PLCE1: variants seen among roughly 807,000 people sequenced by gnomAD.
The protein encoded by PLCE1 is 1-phosphatidylinositol 4,5-bisphosphate phosphodiesterase epsilon-1.
In PLCE1, 119 loss-of-function variants were observed where a neutral mutation model predicts 242.8. That is an observed-to-expected ratio of 0.49 (90% CI 0.42 to 0.57). PLCE1 has a LOEUF of 0.57. Among genes scored for constraint, PLCE1 ranks in the 20% least tolerant of loss-of-function variants. PLCE1 has a pLI of 0.00. For synonymous variants in PLCE1, 945 were observed against 1,017.4 expected, an observed-to-expected ratio of 0.93 and a Z score of 1.35; for missense variants, 2,441 against 2,788.8, an observed-to-expected ratio of 0.88 and a Z score of 2.81.
intron 3 of PLCE1, among the ~76,000 whole-genome samples, chr10:94,165,214 C>T (rs1309741168): frequency 1.3e-5 from 2 of 152,068 alleles, no homozygotes; most frequent in African/African-American, 4.8e-5. Context: ...CTTTTGTTTG[C>T]CCTGCCCCCA....
Position 94,227,245 on chromosome 10 carries a change from A to G in PLCE1, c.1810-61A>G, listed in dbSNP as rs185324623. The G allele has an allele frequency of 3.5e-5, 52 of 1,474,956 alleles. No individual in the cohort carries two copies. The African/African-American group carries it at 4.6e-4, about 13-fold the overall frequency. The allele number at this position is 1,474,956 out of a possible 1,614,324, so 91.4% of individuals were successfully genotyped here. A position where few individuals can be genotyped will look rare whatever the true frequency, so the allele number is the denominator to read the frequency against. On this transcript the variant is annotated intron_variant, in intron 4 of 32. Transcript: ENST00000371380. ...TTAGAAAAACAAAGAATGCTTTTGG[A>G]AAAAAAAATTGCCAAGCTTCTAGGA...
rs34787476 is a variant in PLCE1 at position 94,321,629 on chromosome 10, G to GAA, written c.6343-256_6343-255dup. On this transcript the variant is annotated intron_variant, in intron 29 of 32. Transcript: ENST00000371380. ...GGCAACAGAGCAAGACTCCATCTCA[G>GAA]AAAAAAAAAAAAAAAAACCCACAGC... Among the ~76,000 whole-genome samples the GAA allele has an allele frequency of 3.5e-3, 367 of 104,616 alleles. 1 individual carries two copies. Among genetic ancestry groups the GAA allele is most frequent in the African/African-American group, 0.01 (280 of 27,554 alleles). 68.6% of individuals were successfully genotyped at this position (104,616 alleles called of 152,430 possible).
intron 26 of PLCE1, among the ~76,000 whole-genome samples, chr10:94,307,308 C>T (rs2133651380): frequency 6.6e-6 from 1 of 152,260 alleles, no homozygotes; most frequent in East Asian, 1.9e-4. Context: ...GACAGTTTCC[C>T]TTTCTAACAT....
At position 94,331,499 on chromosome 10, in the gene PLCE1, G is replaced by C. The variant is rs2133972614; in HGVS notation, c.*3556G>C. ...ACTCCACATCTATGCTCCCATGCTAGTAAAGAAGAGTAGGATTTTCCTGGC... is the reference window on the plus strand; with the variant it reads ...ACTCCACATCTATGCTCCCATGCTACTAAAGAAGAGTAGGATTTTCCTGGC... On this transcript the variant is annotated 3_prime_UTR_variant, in exon 33 of 33. Transcript: ENST00000371380. 2.0e-5 allele frequency: 3 copies of C among 152,310 alleles called. No individual in the cohort carries two copies. In the South Asian group the frequency reaches 6.2e-4, roughly 32 times the overall value. The allele number at this position is 152,310 out of a possible 1,614,324, so 9.4% of individuals were successfully genotyped here. A position where few individuals can be genotyped will look rare whatever the true frequency, so the allele number is the denominator to read the frequency against.
chr10:94,247,914 C>A (rs895116530), intron 8 of PLCE1, among the ~76,000 whole-genome samples: 1 of 152,224 alleles, frequency 6.6e-6, no homozygotes, highest in African/African-American at 2.4e-5. Flanking sequence ...GCAGGTGACA[C>A]TTGAAGTGTC....
chr10:94,176,851 G>A lies in PLCE1; in HGVS notation c.1809+5355G>A, dbSNP rs1221310659. On this transcript the variant is annotated intron_variant, in intron 4 of 32. Coordinates refer to ENST00000371380, the MANE Select transcript of PLCE1 (RefSeq NM_016341.4). ...GTGCAGTGAGAGTGGCACCAACAGAGAAGGCTGGGGTGTCCAGGTGGGTGA... is the reference window on the plus strand; with the variant it reads ...GTGCAGTGAGAGTGGCACCAACAGAAAAGGCTGGGGTGTCCAGGTGGGTGA... 2.0e-5 allele frequency among the ~76,000 whole-genome samples: 3 copies of A among 152,310 alleles called. No homozygotes were observed. In the East Asian group the frequency reaches 5.8e-4, roughly 29 times the overall value.
intron 3 of PLCE1, among the ~76,000 whole-genome samples, chr10:94,153,282 T>C (rs2047328268): frequency 6.6e-6 from 1 of 151,966 alleles, no homozygotes; most frequent in South Asian, 2.1e-4. Context: ...AATCAATCAA[T>C]GCAATATATC....
intron 10 of PLCE1, 108 bp from the exon 11 acceptor site, chr10:94,254,785 G>C: frequency 2.5e-6 from 3 of 1,220,182 alleles, no homozygotes; most frequent in Non-Finnish European, 3.6e-6. Flanking sequence ...GAAACCAGCT[G>C]CATAGGTTGA....
At chr10:94,065,343 A>G (rs1367427648) in intron 2 of PLCE1, among the ~76,000 whole-genome samples, 2 of 152,188 alleles carry the variant, frequency 1.3e-5, no homozygotes, top group Non-Finnish European at 2.9e-5. Context: ...TAGCTCATGT[A>G]TGACACTTGC....
At position 94,252,444 on chromosome 10, in the gene PLCE1, A is replaced by G. The variant is rs765143923; in HGVS notation, c.3225A>G (p.Arg1075=). Residue 1075 remains arginine (R), a synonymous_variant, in exon 9 of 33, where the codon AGA becomes AGG. Coordinates refer to ENST00000371380, the MANE Select transcript of PLCE1 (RefSeq NM_016341.4). ...ATGCTGAGAAGCCCAATATGCAGAG[A>G]AACAATACCCTGGGCATAAGCACTA... ...AKNAEKPNMQ[R]NNTLGISTTK... 6.2e-6 allele frequency: 10 copies of G among 1,613,954 alleles called. No homozygotes were observed. The highest frequency in any genetic ancestry group is 5.1e-6 in the Non-Finnish European group (6 of 1,180,006).
intron 4 of PLCE1, among the ~76,000 whole-genome samples, chr10:94,192,011 C>T (rs983984053): frequency 6.6e-6 from 1 of 152,048 alleles, no homozygotes. Flanking sequence ...ACATTTTTAA[C>T]AATTTTTAAA....
chr10:94,090,061 T>A (rs2045002098), intron 2 of PLCE1, among the ~76,000 whole-genome samples: 1 of 152,140 alleles, frequency 6.6e-6, no homozygotes, highest in African/African-American at 2.4e-5. Flanking sequence ...CATTTACTTA[T>A]AAACATTAAA....
At chr10:94,107,967 C>G (rs11187788) in intron 2 of PLCE1, 212 of 152,232 alleles carry the variant, frequency 1.4e-3, no homozygotes, top group African/African-American at 4.7e-3. Flanking sequence ...CCAGACAAGC[C>G]GTGGGCTGGA....
chr10:94,137,899 C>T, intron 3 of PLCE1: 2 of 329,992 alleles, frequency 6.1e-6, no homozygotes, highest in Non-Finnish European at 1.2e-5. Flanking sequence ...AAATCTATTG[C>T]CCTCACAAAG....
At chr10:94,057,698 A>T (rs917798191) in intron 2 of PLCE1, among the ~76,000 whole-genome samples, 7 of 152,186 alleles carry the variant, frequency 4.6e-5, no homozygotes, top group African/African-American at 1.7e-4. Flanking sequence ...ATAACAAATG[A>T]CCTCAAGTGT....
At chr10:94,288,722 G>T (rs905440938) in intron 22 of PLCE1, among the ~76,000 whole-genome samples, 1 of 152,076 alleles carries the variant, frequency 6.6e-6, no homozygotes, top group Non-Finnish European at 1.5e-5. Flanking sequence ...GGTGAGGCTC[G>T]TCCGGAAGAT....
chr10:94,127,435 A>G (rs1430359981), intron 2 of PLCE1, among the ~76,000 whole-genome samples: 4 of 152,158 alleles, frequency 2.6e-5, no homozygotes, highest in African/African-American at 9.7e-5. Context: ...TCCTCCCGCA[A>G]TCTAGTTCAG....
chr10:94,071,452 AAGTCTTCCTCG>A (rs909905728), intron 2 of PLCE1, among the ~76,000 whole-genome samples: 2 of 149,270 alleles, frequency 1.3e-5, no homozygotes, highest in Non-Finnish European at 2.9e-5. Flanking sequence ...GTTACATAGA[AAGTCTTCCTCG>A]GGTTTTGTCT....
intron 16 of PLCE1, among the ~76,000 whole-genome samples, chr10:94,267,123 A>G (rs1200944789): frequency 6.6e-6 from 1 of 152,250 alleles, no homozygotes; most frequent in Non-Finnish European, 1.5e-5. Context: ...AAATATACAT[A>G]TAAATACAGA....
Sources: allele counts gnomAD v4.1 joint callset (sites outside exome capture counted in the v4.1 genomes callset), GRCh38; gene constraint gnomAD v4.1.1; transcripts MANE v1.5; gene names NCBI Gene and HGNC (gene_info 2026-07-23, HGNC 2026-07-21).